OR1L6: variants seen among roughly 807,000 people sequenced by gnomAD.
OR1L6 encodes olfactory receptor 1L6.
Under a neutral mutation model 3.0 loss-of-function variants are expected in OR1L6, and 2 were observed. The observed-to-expected ratio is 0.68, with a 90% confidence interval of 0.28 to 2.13. The LOEUF (loss-of-function observed/expected upper bound fraction) is 2.13. Ranked by LOEUF, OR1L6 falls within the 30% of genes most tolerant of loss-of-function variation. The pLI is 0.14. For synonymous variants in OR1L6, 121 were observed against 148.4 expected (o/e 0.82, Z 1.34); for missense variants, 304 against 378.4 (o/e 0.80, Z 1.63).
At chr9:122,742,515 C>T (rs1007969858) in intron 1 of OR1L6, 142 bp downstream of exon 1, 7 of 152,226 alleles carry the variant, frequency 4.6e-5, no homozygotes, top group African/African-American at 1.7e-4. Context: ...TTTTTCCTCT[C>T]TCTCTTTTTG....
chr9:122,749,834 G>C lies in OR1L6; in HGVS notation c.-13-1G>C. 6.2e-7 allele frequency: 1 copy of C among 1,613,904 alleles called. No individual in the cohort carries two copies. Among genetic ancestry groups the C allele is most frequent in the Non-Finnish European group, 8.5e-7 (1 of 1,179,756 alleles). On this transcript the variant is annotated splice_acceptor_variant, in intron 1 of 1. Coordinates refer to ENST00000304720, the MANE Select transcript of OR1L6 (RefSeq NM_001004453.3). LOFTEE classifies it low-confidence loss of function (5UTR_SPLICE). Reference sequence around the variant, plus strand: ...CCACTGCTTCTCCAAACCCTATCCAGGAAGTCCAGAGACATGGAGATAAAG... The same window carrying C: ...CCACTGCTTCTCCAAACCCTATCCACGAAGTCCAGAGACATGGAGATAAAG...
intron 1 of OR1L6, among the ~76,000 whole-genome samples, 152 bp downstream of exon 1, chr9:122,742,525 G>A (rs1000196701): frequency 1.3e-5 from 2 of 151,986 alleles, no homozygotes; most frequent in Non-Finnish European, 2.9e-5. Flanking sequence ...CTCTCTTTTT[G>A]GTCAAATATC....
chr9:122,749,235 C>T (rs764645327), intron 1 of OR1L6, among the ~76,000 whole-genome samples: 13 of 152,156 alleles, frequency 8.5e-5, no homozygotes, highest in Non-Finnish European at 1.9e-4. Flanking sequence ...TTTGGCTATT[C>T]TGGCTCTTTG....
At chr9:122,742,725 C>G (rs1419358179) in intron 1 of OR1L6, among the ~76,000 whole-genome samples, 1 of 152,222 alleles carries the variant, frequency 6.6e-6, no homozygotes, top group Non-Finnish European at 1.5e-5. Context: ...CCACCACCCT[C>G]TGGCTGTGTG....
rs73571194 is a variant in OR1L6 at position 122,749,966 on chromosome 9, C to T, written c.119C>T (p.Ala40Val). 3.6e-3 allele frequency: 5,813 copies of T among 1,614,124 alleles called. 175 individuals carry two copies. The African/African-American group carries it at 0.067, about 19-fold the overall frequency. ...AIFLIMYLLA[A>V]VGNVLIIPAI... The stretch of plus-strand genomic sequence containing the variant: ...TTCCTCATCATGTACCTGCTCGCTG[C>T]GGTGGGGAATGTGCTCATCATCCCG... Residue 40 changes from alanine to valine, a missense_variant, in exon 2 of 2, where the codon GCG (alanine) becomes GTG (valine). By Grantham distance (64) the Ala-to-Val change is moderately conservative. This residue lies in a region of OR1L6 where 192 missense variants were observed against 242.7 expected (regional missense o/e 0.79). Transcript: ENST00000304720.
In OR1L6 at chr9:122,750,122, T is replaced by G; in HGVS notation, c.275T>G (p.Val92Gly). Residue 92 changes from valine (V) to glycine (G), a missense_variant, in exon 2 of 2, where the codon GTT becomes GGT. Around this residue, in one of 3 missense-constraint regions of OR1L6, gnomAD observed 192 missense variants for 242.7 expected, o/e 0.79. Coordinates refer to ENST00000304720, the MANE Select transcript of OR1L6 (RefSeq NM_001004453.3). ...GTGAATTTTCTATCAGAGACAAAGG[T>G]TATCTCCTATGTGGGCTGCCTGGCC... ...MLVNFLSETK[V>G]ISYVGCLAQM... is the part of the protein sequence containing the mutation. 3 of 1,613,718 alleles carry G rather than the reference T, an allele frequency of 1.9e-6. No individual in the cohort carries two copies. The highest frequency in any genetic ancestry group is 2.5e-6 in the Non-Finnish European group (3 of 1,179,732).
At position 122,749,825 on chromosome 9, in the gene OR1L6, C is replaced by A. The variant is rs1828871778; in HGVS notation, c.-13-10C>A. The A allele has an allele frequency of 1.2e-6, 2 of 1,613,184 alleles. No individual in the cohort carries two copies. Among genetic ancestry groups the A allele is most frequent in the Non-Finnish European group, 1.7e-6 (2 of 1,179,120 alleles). Reference sequence around the variant, plus strand: ...ACATCTCTCCCACTGCTTCTCCAAACCCTATCCAGGAAGTCCAGAGACATG... The same window carrying A: ...ACATCTCTCCCACTGCTTCTCCAAAACCTATCCAGGAAGTCCAGAGACATG... On this transcript the variant is annotated splice_polypyrimidine_tract_variant and intron_variant, in intron 1 of 1. Coordinates refer to ENST00000304720, the MANE Select transcript of OR1L6 (RefSeq NM_001004453.3).
intron 1 of OR1L6, among the ~76,000 whole-genome samples, chr9:122,746,910 T>C (rs543439277): frequency 6.6e-6 from 1 of 152,172 alleles, no homozygotes; most frequent in Non-Finnish European, 1.5e-5. Context: ...CTATGATCTC[T>C]TTTGGTATAA....
Position 122,750,587 on chromosome 9 carries a change from C to T in OR1L6, c.740C>T (p.Thr247Ile), listed in dbSNP as rs559564856. ...KAFSTCGSHLTAVALFYGSII... is the reference protein window; with the variant it reads ...KAFSTCGSHLIAVALFYGSII... ...TTCTCTACCTGTGGCTCCCACCTCA[C>T]TGCAGTAGCCCTTTTCTATGGGAGT... is the stretch of plus-strand genomic sequence containing the variant. The change falls in exon 2 of 2, where the codon ACT (threonine) becomes ATT (isoleucine). Residue 247 changes from threonine (T) to isoleucine (I), a missense_variant. Transcript: ENST00000304720. 6.2e-7 allele frequency: 1 copy of T among 1,614,102 alleles called. No individual in the cohort carries two copies. Among genetic ancestry groups the T allele is most frequent in the African/African-American group, 1.3e-5 (1 of 75,010 alleles).
chr9:122,742,348 CT>C lies in OR1L6; in HGVS notation c.-38del, dbSNP rs765378989. 1 of 152,186 alleles carries C rather than the reference CT, an allele frequency of 6.6e-6. No homozygotes were observed. Among genetic ancestry groups the C allele is most frequent in the African/African-American group, 2.4e-5 (1 of 41,440 alleles). 9.4% of individuals were successfully genotyped at this position (152,186 alleles called of 1,614,324 possible). On this transcript the variant is annotated 5_prime_UTR_variant, in exon 1 of 2. It removes the in-frame stop codon of an upstream open reading frame in the 5' UTR. Coordinates refer to ENST00000304720, the MANE Select transcript of OR1L6 (RefSeq NM_001004453.3). ...CAGATCCCGAAGTCTTTTTAGGCCC[CT>C]GAATCTCCTTTGTCAAGCCCACAGG...
chr9:122,745,614 G>A (rs893997382), intron 1 of OR1L6, among the ~76,000 whole-genome samples: 22 of 151,496 alleles, frequency 1.5e-4, no homozygotes, highest in Non-Finnish European at 2.8e-4. Context: ...GGGTTTCACC[G>A]TGTTAGCCAG....
intron 1 of OR1L6, 195 bp from the exon 2 acceptor site, chr9:122,749,640 G>C (rs1459167122): frequency 3.1e-6 from 2 of 646,512 alleles, no homozygotes; most frequent in Non-Finnish European, 5.6e-6. Context: ...CCCGAGAGGC[G>C]GAGCTTGCAG....
At chr9:122,749,115 G>A in intron 1 of OR1L6, among the ~76,000 whole-genome samples, 1 of 152,114 alleles carries the variant, frequency 6.6e-6, no homozygotes, top group East Asian at 1.9e-4. Flanking sequence ...ATTGATCTGT[G>A]TGTCTGTTTT....
chr9:122,750,369 C>A lies in OR1L6; in HGVS notation c.522C>A (p.Ile174=), dbSNP rs1342055075. The change falls in exon 2 of 2, where the codon ATC becomes ATA. Residue 174 remains isoleucine (I), a synonymous_variant. Transcript: ENST00000304720. The part of the protein sequence containing the change: ...MSRLSFCASH[I]IKHFFCDTQP... ...GCTTGTCTTTCTGTGCCTCTCACAT[C>A]ATTAAGCACTTTTTCTGTGACACCC... 1 of 1,613,430 alleles carries A rather than the reference C, an allele frequency of 6.2e-7. No individual in the cohort carries two copies. Among genetic ancestry groups the A allele is most frequent in the East Asian group, 2.2e-5 (1 of 44,872 alleles).
rs545485614 is a variant in OR1L6, at chr9:122,743,193, T to C, written c.-14+820T>C. On this transcript the variant is annotated intron_variant, in intron 1 of 1. Coordinates refer to ENST00000304720, the MANE Select transcript of OR1L6 (RefSeq NM_001004453.3). ...ACTAATAGCTTGAGAGTTTAATTCA[T>C]TGAATTATTGAGAGAGAGAAGCAGA... is the stretch of plus-strand genomic sequence containing the variant. Among the ~76,000 whole-genome samples the C allele has an allele frequency of 2.6e-5, 4 of 152,194 alleles. No individual in the cohort carries two copies. The East Asian group carries it at 7.7e-4, about 29-fold the overall frequency.
chr9:122,742,377 G>A lies in OR1L6; in HGVS notation c.-14+4G>A, dbSNP rs975370605. 6.6e-6 allele frequency: 1 copy of A among 152,132 alleles called. No individual in the cohort carries two copies. The highest frequency in any genetic ancestry group is 1.5e-5 in the Non-Finnish European group (1 of 68,034). 9.4% of individuals were successfully genotyped at this position (152,132 alleles called of 1,614,324 possible). Reference sequence around the variant, plus strand: ...ATCTCCTTTGTCAAGCCCACAGGTAGGCACACTGAGGGGACTTGATAATGG... The same window carrying A: ...ATCTCCTTTGTCAAGCCCACAGGTAAGCACACTGAGGGGACTTGATAATGG... On this transcript the variant is annotated splice_donor_region_variant and intron_variant, in intron 1 of 1. Coordinates refer to ENST00000304720, the MANE Select transcript of OR1L6 (RefSeq NM_001004453.3).
intron 1 of OR1L6, among the ~76,000 whole-genome samples, chr9:122,748,933 T>TTGTG (rs149721479): frequency 3.3e-5 from 5 of 150,428 alleles, no homozygotes; most frequent in African/African-American, 4.9e-5. Flanking sequence ...CAGTATTCCA[T>TTGTG]TGTGTGTGTG....
chr9:122,746,999 G>C (rs556529975), intron 1 of OR1L6, among the ~76,000 whole-genome samples: 1 of 152,036 alleles, frequency 6.6e-6, no homozygotes, highest in Non-Finnish European at 1.5e-5. Context: ...TTTCCATCCT[G>C]AGACTGTAAA....
intron 1 of OR1L6, among the ~76,000 whole-genome samples, chr9:122,747,912 G>A (rs1455790408): frequency 6.6e-6 from 1 of 151,948 alleles, no homozygotes; most frequent in Non-Finnish European, 1.5e-5. Flanking sequence ...GGTAACAGGA[G>A]CCATCCTTTT....
Sources: allele counts gnomAD v4.1 joint callset (sites outside exome capture counted in the v4.1 genomes callset), GRCh38; gene constraint gnomAD v4.1.1; regional missense constraint gnomAD v4.1.1; transcripts MANE v1.5; gene names NCBI Gene and HGNC (gene_info 2026-07-23, HGNC 2026-07-21).